The following SUPT3H variants were observed in gnomAD, a reference collection of about 807,000 sequenced individuals.
The protein encoded by SUPT3H is transcription initiation protein SPT3 homolog.
A neutral mutation model predicts 44.3 loss-of-function variants in SUPT3H; 44 were observed. The ratio of observed to expected loss-of-function variants is 0.99; its 90% CI spans 0.78 to 1.28. The LOEUF is 1.28. Ranked by LOEUF, SUPT3H falls within the 50% of genes most tolerant of loss-of-function variation. The probability of loss-of-function intolerance (pLI) is 0.00; values close to 1 mark genes in which losing one functional copy is unlikely to be tolerated. For missense variants in SUPT3H, 380 were observed against 387.1 expected (o/e 0.98, Z 0.15); for synonymous variants, 124 against 125.6 (o/e 0.99, Z 0.09).
chr6:45,043,142 T>TACACACACACACACACACACAC (rs59321114), intron 3 of SUPT3H, among the ~76,000 whole-genome samples: 2 of 146,722 alleles, frequency 1.4e-5, no homozygotes, highest in East Asian at 4.1e-4. Context: ...CATACACACA[T>TACACACACACACACACACACAC]ACACACACAC....
At chr6:45,060,347 G>A (rs1007715037) in intron 3 of SUPT3H, among the ~76,000 whole-genome samples, 1 of 152,088 alleles carries the variant, frequency 6.6e-6, no homozygotes, top group Non-Finnish European at 1.5e-5. Flanking sequence ...AAGCAATGGG[G>A]AAAAGATTCC....
At chr6:45,073,410 G>A (rs1404942478) in intron 3 of SUPT3H, among the ~76,000 whole-genome samples, 1 of 151,450 alleles carries the variant, frequency 6.6e-6, no homozygotes, top group African/African-American at 2.4e-5. Context: ...GGAAAGCTCA[G>A]AAAATACAAA....
At chr6:45,128,743 T>A (rs1442980755) in intron 2 of SUPT3H, among the ~76,000 whole-genome samples, 1 of 150,522 alleles carries the variant, frequency 6.6e-6, no homozygotes, top group Admixed American at 6.6e-5. Context: ...TGGAGTGCAG[T>A]GGCACAATCT....
At chr6:45,280,920 G>T (rs1485978896) in intron 2 of SUPT3H, among the ~76,000 whole-genome samples, 2 of 152,106 alleles carry the variant, frequency 1.3e-5, no homozygotes, top group Non-Finnish European at 2.9e-5. Flanking sequence ...ATTAACATCT[G>T]TAATGTCCAT....
chr6:44,830,895 T>TTTTTTTTTTTTTTTTTTTTG (rs1581864539), intron 10 of SUPT3H, among the ~76,000 whole-genome samples: 7 of 151,714 alleles, frequency 4.6e-5, no homozygotes, highest in African/African-American at 1.5e-4. Flanking sequence ...AGCCATATTT[T>TTTTTTTTTTTTTTTTTTTTG]AAGAAATACA....
intron 2 of SUPT3H, among the ~76,000 whole-genome samples, chr6:45,151,194 G>A (rs1239717281): frequency 6.6e-6 from 1 of 152,026 alleles, no homozygotes; most frequent in Non-Finnish European, 1.5e-5. Flanking sequence ...AAGTGGGTAT[G>A]CAGATAGTAA....
At chr6:44,891,013 A>C (rs572972013) in intron 10 of SUPT3H, among the ~76,000 whole-genome samples, 2 of 152,034 alleles carry the variant, frequency 1.3e-5, no homozygotes, top group South Asian at 4.2e-4. Flanking sequence ...TAACATTAGG[A>C]GAAATACCTA....
chr6:45,371,854 A>T (rs1354465929), intron 1 of SUPT3H: 2 of 983,096 alleles, frequency 2.0e-6, no homozygotes, highest in African/African-American at 3.5e-5. Context: ...ACAGTTTGAA[A>T]ATCACTAATT....
At chr6:44,888,680 G>A (rs1157408116) in intron 10 of SUPT3H, among the ~76,000 whole-genome samples, 3 of 151,854 alleles carry the variant, frequency 2.0e-5, no homozygotes, top group Admixed American at 6.6e-5. Flanking sequence ...GCAAAAACTG[G>A]AAGCATTCCC....
chr6:45,235,213 C>T (rs1048681370), intron 2 of SUPT3H, among the ~76,000 whole-genome samples: 1 of 152,100 alleles, frequency 6.6e-6, no homozygotes. Context: ...TCAGTATAAA[C>T]ATTATTATAA....
chr6:44,974,156 T>C (rs1240427834), intron 6 of SUPT3H, among the ~76,000 whole-genome samples: 1 of 152,038 alleles, frequency 6.6e-6, no homozygotes, highest in African/African-American at 2.4e-5. Context: ...ACAAAAGGGG[T>C]TTGGCTACGT....
chr6:44,998,274 T>C (rs568753578), intron 6 of SUPT3H, among the ~76,000 whole-genome samples: 2 of 151,948 alleles, frequency 1.3e-5, no homozygotes, highest in African/African-American at 4.8e-5. Flanking sequence ...TACAACTGTT[T>C]AAAAAAATTT....
Position 44,827,941 on chromosome 6 carries a change from C to T in SUPT3H, c.*1875G>A, listed in dbSNP as rs1167601033. Among the ~76,000 whole-genome samples, 1 of 152,070 alleles carries T rather than the reference C, an allele frequency of 6.6e-6. No homozygotes were observed. The highest frequency in any genetic ancestry group is 2.4e-5 in the African/African-American group (1 of 41,436). On this transcript the variant is annotated 3_prime_UTR_variant, in exon 11 of 11. Coordinates refer to ENST00000371459, the MANE Select transcript of SUPT3H (RefSeq NM_003599.4). ...AACATATGCCAGACCAACAAAAACA[C>T]AGACCTGTCATATTTCTGAGAGAAA...
intron 6 of SUPT3H, among the ~76,000 whole-genome samples, chr6:44,986,868 G>A (rs996794549): frequency 1.9e-4 from 29 of 151,988 alleles, no homozygotes; most frequent in Admixed American, 1.5e-3. Context: ...AAAAGATCAC[G>A]GATGATAAGT....
At chr6:45,175,184 TGTGTGTGTGTGCA>T (rs1263788294) in intron 2 of SUPT3H, among the ~76,000 whole-genome samples, 17 of 146,026 alleles carry the variant, frequency 1.2e-4, no homozygotes, top group African/African-American at 4.7e-4. Context: ...TGTTTGCAGA[TGTGTGTGTGTGCA>T]CATATAATCT....
chr6:44,862,492 C>A (rs1156806590), intron 10 of SUPT3H, among the ~76,000 whole-genome samples: 1 of 151,744 alleles, frequency 6.6e-6, no homozygotes, highest in Non-Finnish European at 1.5e-5. Context: ...GCCTGGCCAA[C>A]ATGGTGAAAT....
intron 3 of SUPT3H, among the ~76,000 whole-genome samples, chr6:45,072,138 G>A (rs1210621099): frequency 6.6e-6 from 1 of 152,090 alleles, no homozygotes; most frequent in African/African-American, 2.4e-5. Flanking sequence ...ACAATCAAAA[G>A]GCTCAGGCTT....
chr6:45,162,744 T>G lies in SUPT3H; in HGVS notation c.102-56738A>C, dbSNP rs984942422. Among the ~76,000 whole-genome samples the G allele has an allele frequency of 5.9e-5, 9 of 152,176 alleles. 1 individual carries two copies. Among genetic ancestry groups the G allele is most frequent in the Admixed American group, 3.9e-4 (6 of 15,250 alleles). ...TCAAGTCCCTTAAAATGCTCATTCTTTTCTAAGAGTAACGATGCTTGTTCA... is the reference window on the plus strand; with the variant it reads ...TCAAGTCCCTTAAAATGCTCATTCTGTTCTAAGAGTAACGATGCTTGTTCA... On this transcript the variant is annotated intron_variant, in intron 2 of 10. Transcript: ENST00000371459.
intron 2 of SUPT3H, among the ~76,000 whole-genome samples, chr6:45,299,811 TAC>T (rs1201920897): frequency 1.3e-5 from 2 of 151,844 alleles, no homozygotes; most frequent in African/African-American, 4.8e-5. Flanking sequence ...ACATCTCAAA[TAC>T]ATACAAAAGT....
Sources: allele counts gnomAD v4.1 joint callset (sites outside exome capture counted in the v4.1 genomes callset), GRCh38; gene constraint gnomAD v4.1.1; transcripts MANE v1.5; gene names NCBI Gene and HGNC (gene_info 2026-07-23, HGNC 2026-07-21).